The following ANKRD31 variants were observed in gnomAD, a reference collection of about 807,000 sequenced individuals.
ANKRD31 encodes ankyrin repeat domain 31.
ANKRD31 carries 147 observed loss-of-function variants against 186.0 expected under a neutral mutation model. The observed-to-expected ratio is 0.79, with a 90% CI of 0.69 to 0.91. ANKRD31 has a LOEUF of 0.91. Among genes scored for constraint, ANKRD31 ranks in the 40% least tolerant of loss-of-function variants. The pLI, the probability that ANKRD31 is intolerant of heterozygous loss-of-function variation, is 0.00. For missense variants in ANKRD31, 1,986 were observed against 2,148.8 expected (o/e 0.92, Z 1.50); for synonymous variants, 673 against 736.4 (o/e 0.91, Z 1.39).
rs1331863376 is a variant in ANKRD31 at position 75,104,426 on chromosome 5, A to G, written c.5133T>C (p.Tyr1711=). 2.0e-6 allele frequency: 3 copies of G among 1,537,188 alleles called. No individual in the cohort carries two copies. The highest frequency in any genetic ancestry group is 3.3e-4 in the Middle Eastern group (2 of 5,990). Residue 1711 remains tyrosine (Y), a synonymous_variant, in exon 22 of 26, where the codon TAT becomes TAC. Coordinates refer to ENST00000506364, the MANE Select transcript of ANKRD31 (RefSeq NM_001372053.1). ...GAACAACAGAAACTGATTTTTTAAG[A>G]TATGGTTTCATCTGATGCACTGTAT... The part of the protein sequence containing the change: ...GSDTVHQMKP[Y]LKKSVSVVPC...
chr5:75,217,686 C>T (rs995904249), intron 3 of ANKRD31, among the ~76,000 whole-genome samples: 1 of 152,084 alleles, frequency 6.6e-6, no homozygotes, highest in African/African-American at 2.4e-5. Flanking sequence ...GACAGCATAC[C>T]TCTGGGTCTT....
At chr5:75,083,620 C>G (rs986882077) in intron 24 of ANKRD31, among the ~76,000 whole-genome samples, 21 of 151,990 alleles carry the variant, frequency 1.4e-4, no homozygotes, top group Non-Finnish European at 8.8e-5. Context: ...ATCCCAGCTA[C>G]TCGGGAGGCT....
chr5:75,095,824 A>C (rs78916412), intron 22 of ANKRD31, among the ~76,000 whole-genome samples: 83 of 152,296 alleles, frequency 5.4e-4, no homozygotes, highest in Non-Finnish European at 8.5e-4. Flanking sequence ...TAGAAAAAAA[A>C]CAGTATATAC....
intron 17 of ANKRD31, among the ~76,000 whole-genome samples, chr5:75,130,320 T>C (rs1749676469): frequency 6.6e-6 from 1 of 152,218 alleles, no homozygotes; most frequent in African/African-American, 2.4e-5. Flanking sequence ...GCAAAATTTA[T>C]TGCAAAGAGC....
intron 2 of ANKRD31, among the ~76,000 whole-genome samples, chr5:75,224,129 T>TTATTTATATATA (rs1757468518): frequency 2.4e-4 from 25 of 105,746 alleles, no homozygotes; most frequent in Non-Finnish European, 3.6e-4. Flanking sequence ...TCAGAAATAA[T>TTATTTATATATA]TATATATATA....
chr5:75,157,682 A>T (rs762842427), intron 11 of ANKRD31, among the ~76,000 whole-genome samples: 1 of 152,188 alleles, frequency 6.6e-6, no homozygotes, highest in Non-Finnish European at 1.5e-5. Flanking sequence ...TCTGTGAAAG[A>T]TCCTGTTGTC....
chr5:75,116,173 A>G lies in ANKRD31; in HGVS notation c.4155+393T>C, dbSNP rs936521314. On this transcript the variant is annotated intron_variant, in intron 19 of 25. Transcript: ENST00000506364. ...CTATCACAAGAACAAAAAACCAAACACCGCATATTCTCACTCATAGGTGGG... is the reference window on the plus strand; with the variant it reads ...CTATCACAAGAACAAAAAACCAAACGCCGCATATTCTCACTCATAGGTGGG... Among the ~76,000 whole-genome samples, 4 of 147,654 alleles carry G rather than the reference A, an allele frequency of 2.7e-5. No individual in the cohort carries two copies. The Admixed American group carries it at 2.7e-4, about 10-fold the overall frequency.
chr5:75,156,678 T>C (rs910720527), intron 11 of ANKRD31, among the ~76,000 whole-genome samples: 1 of 152,170 alleles, frequency 6.6e-6, no homozygotes, highest in Non-Finnish European at 1.5e-5. Context: ...CTGAGCAGGA[T>C]TTCACATGCA....
At chr5:75,200,412 C>T (rs367676359) in intron 5 of ANKRD31, among the ~76,000 whole-genome samples, 2 of 151,796 alleles carry the variant, frequency 1.3e-5, no homozygotes, top group South Asian at 4.2e-4. Context: ...ATTCTCCTGC[C>T]TCAGCCTCTT....
intron 17 of ANKRD31, among the ~76,000 whole-genome samples, chr5:75,136,057 A>G (rs911261237): frequency 1.6e-4 from 25 of 152,348 alleles, no homozygotes; most frequent in African/African-American, 5.8e-4. Context: ...TAAAACCATA[A>G]AAACCGCAGA....
At chr5:75,069,150 T>C (rs1363028246) in intron 25 of ANKRD31, among the ~76,000 whole-genome samples, 1 of 152,170 alleles carries the variant, frequency 6.6e-6, no homozygotes, top group Non-Finnish European at 1.5e-5. Context: ...TCATATGGCT[T>C]TTCCAGACTT....
At chr5:75,139,757 C>G (rs983908893) in intron 15 of ANKRD31, among the ~76,000 whole-genome samples, 8 of 152,162 alleles carry the variant, frequency 5.3e-5, no homozygotes, top group Non-Finnish European at 1.2e-4. Context: ...GAGAGCCAAT[C>G]TGAACTCACG....
chr5:75,103,068 CT>C (rs974153286), intron 22 of ANKRD31, among the ~76,000 whole-genome samples: 2 of 152,130 alleles, frequency 1.3e-5, no homozygotes, highest in African/African-American at 4.8e-5. Flanking sequence ...ACCTCCAATC[CT>C]TTAATCCATC....
intron 21 of ANKRD31, among the ~76,000 whole-genome samples, chr5:75,105,484 GATTTT>G (rs1747262714): frequency 6.6e-6 from 1 of 151,978 alleles, no homozygotes; most frequent in Non-Finnish European, 1.5e-5. Context: ...AGGTTATCAA[GATTTT>G]ATATTCATAC....
Position 75,192,750 on chromosome 5 carries a change from T to A in ANKRD31, c.1325A>T (p.Asp442Val). ...FRMQDPALMIDGKEKNMHSAR... is the reference protein window; with the variant it reads ...FRMQDPALMIVGKEKNMHSAR... ...TGAATGCATATTCTTCTCTTTACCA[T>A]CAATCATTAAAGCCGGATCCTGCAT... Residue 442 changes from aspartate to valine, a missense_variant, in exon 9 of 26, where the codon GAT (aspartate) becomes GTT (valine). Coordinates refer to ENST00000506364, the MANE Select transcript of ANKRD31 (RefSeq NM_001372053.1). 2 of 1,535,334 alleles carry A rather than the reference T, an allele frequency of 1.3e-6. No individual in the cohort carries two copies. The highest frequency in any genetic ancestry group is 2.0e-5 in the Admixed American group (1 of 50,752).
intron 16 of ANKRD31, 22 bp from the exon 17 acceptor site, chr5:75,138,020 A>AC (rs1327494228): frequency 1.4e-6 from 2 of 1,452,898 alleles, no homozygotes; most frequent in African/African-American, 2.9e-5. Flanking sequence ...AAAAGAAAAA[A>AC]AAAAACCCTG....
At chr5:75,226,934 T>A (rs1757665779) in intron 2 of ANKRD31, among the ~76,000 whole-genome samples, 1 of 152,054 alleles carries the variant, frequency 6.6e-6, no homozygotes, top group South Asian at 2.1e-4. Context: ...GGGATTTTCC[T>A]TTCCAAAAGA....
At chr5:75,112,385 T>G (rs567732311) in intron 20 of ANKRD31, 128 bp downstream of exon 20, 1 of 572,646 alleles carries the variant, frequency 1.7e-6, no homozygotes, top group South Asian at 2.6e-5. Flanking sequence ...CCTAGCACTT[T>G]AAATACTCTC....
intron 7 of ANKRD31, 41 bp downstream of exon 7, chr5:75,195,590 T>C: frequency 2.1e-6 from 3 of 1,437,684 alleles, no homozygotes; most frequent in Admixed American, 2.4e-5. Context: ...CTTGGAACCA[T>C]GTTCAAATGG....
Sources: allele counts gnomAD v4.1 joint callset (sites outside exome capture counted in the v4.1 genomes callset), GRCh38; gene constraint gnomAD v4.1.1; transcripts MANE v1.5; gene names NCBI Gene and HGNC (gene_info 2026-07-23, HGNC 2026-07-21).